Variants in PUS10 observed in about 807,000 individuals in gnomAD.
The protein encoded by PUS10 is tRNA pseudouridine synthase Pus10.
PUS10 carries 59 observed loss-of-function variants against 75.0 expected under a neutral mutation model. That is an observed-to-expected ratio of 0.79 (90% CI 0.64 to 0.98). PUS10 has a LOEUF of 0.98. Among genes scored for constraint, PUS10 ranks in the 50% least tolerant of loss-of-function variants. The pLI, the probability that PUS10 is intolerant of heterozygous loss-of-function variation, is 0.00. For synonymous variants in PUS10, 219 were observed against 211.6 expected (o/e 1.03, Z -0.30); for missense variants, 650 against 614.4 (o/e 1.06, Z -0.61).
intron 5 of PUS10, among the ~76,000 whole-genome samples, chr2:60,968,474 AT>A (rs1676472969): frequency 6.6e-6 from 1 of 152,150 alleles, no homozygotes; most frequent in Non-Finnish European, 1.5e-5. Context: ...CTTATGCATC[AT>A]CCCTTTTAAT....
At chr2:60,971,470 C>G (rs1676657326) in intron 5 of PUS10, 53 bp downstream of exon 5, 15 of 1,489,986 alleles carry the variant, frequency 1.0e-5, no homozygotes, top group Non-Finnish European at 1.2e-5. Flanking sequence ...GCTTTAAGAA[C>G]CAGGTAGCTT....
intron 1 of PUS10, 88 bp downstream of exon 1, chr2:61,017,911 GGCGGTTGTA>G (rs1218099691): frequency 6.7e-6 from 10 of 1,503,070 alleles, no homozygotes; most frequent in Non-Finnish European, 9.1e-6. Flanking sequence ...CTTGGCAGGA[GGCGGTTGTA>G]GCGGTTGTTA....
intron 4 of PUS10, among the ~76,000 whole-genome samples, chr2:60,985,684 A>T (rs565935796): frequency 5.1e-4 from 78 of 152,176 alleles, no homozygotes; most frequent in African/African-American, 1.8e-3. Flanking sequence ...TATTTTTAGT[A>T]GAGATGGGGT....
chr2:60,972,870 G>A (rs947480375), intron 4 of PUS10, among the ~76,000 whole-genome samples: 1 of 152,226 alleles, frequency 6.6e-6, no homozygotes, highest in East Asian at 1.9e-4. Context: ...AATTCTTTCA[G>A]ACGTCAGCCA....
At position 60,942,427 on chromosome 2, in the gene PUS10, C is replaced by T. The variant is rs1456094465; in HGVS notation, c.1558G>A (p.Asp520Asn). Reference protein sequence around the residue: ...DILELDVESVDVDWPPALDD With the variant: ...DILELDVESVNVDWPPALDD Reference sequence around the variant, plus strand: ...TCCAGAGCAGGTGGCCAGTCAACATCTACAGACTAGAAGGGAGAAAAGAAG... The same window carrying T: ...TCCAGAGCAGGTGGCCAGTCAACATTTACAGACTAGAAGGGAGAAAAGAAG... Residue 520 changes from aspartate (D) to asparagine (N), a missense_variant, in exon 18 of 18, where the codon GAT becomes AAT. By Grantham distance (23) the Asp-to-Asn change is conservative. Coordinates refer to ENST00000316752, the MANE Select transcript of PUS10 (RefSeq NM_144709.4). 3 of 1,612,360 alleles carry T rather than the reference C, an allele frequency of 1.9e-6. No individual in the cohort carries two copies. The African/African-American group carries it at 4.0e-5, about 22-fold the overall frequency.
intron 4 of PUS10, among the ~76,000 whole-genome samples, chr2:61,005,656 G>A (rs1226319933): frequency 4.6e-5 from 7 of 152,168 alleles, no homozygotes; most frequent in African/African-American, 1.7e-4. Flanking sequence ...GACTCTAAGT[G>A]TTTATAAGCC....
chr2:61,013,020 T>C (rs1168138260), intron 1 of PUS10, among the ~76,000 whole-genome samples: 2 of 149,928 alleles, frequency 1.3e-5, no homozygotes, highest in African/African-American at 4.9e-5. Flanking sequence ...GGGGCCGAAG[T>C]AGGAGGTTCA....
chr2:60,943,307 C>G (rs765254380), intron 17 of PUS10, among the ~76,000 whole-genome samples: 1 of 151,986 alleles, frequency 6.6e-6, no homozygotes, highest in East Asian at 1.9e-4. Flanking sequence ...ATTTCTGTTT[C>G]TTTAAAATCC....
At chr2:61,005,187 G>A (rs1679126745) in intron 4 of PUS10, among the ~76,000 whole-genome samples, 1 of 152,162 alleles carries the variant, frequency 6.6e-6, no homozygotes, top group South Asian at 2.1e-4. Flanking sequence ...CTTGAACCCG[G>A]GAGGCAGAGG....
rs543686208 is a variant in PUS10, at chr2:60,975,522, C to G, written c.469-3965G>C. Among the ~76,000 whole-genome samples the G allele has an allele frequency of 2.6e-5, 4 of 152,092 alleles. No homozygotes were observed. In the South Asian group the frequency reaches 8.3e-4, roughly 32 times the overall value. ...TAGGTTTTACTTAATTTCTGGGACT[C>G]AACTTTCTAATGTGTAAAATGAGAG... is the stretch of plus-strand genomic sequence containing the variant. On this transcript the variant is annotated intron_variant, in intron 4 of 17. Transcript: ENST00000316752.
At chr2:60,961,932 C>A (rs1338943940) in intron 9 of PUS10, among the ~76,000 whole-genome samples, 1 of 152,254 alleles carries the variant, frequency 6.6e-6, no homozygotes, top group Non-Finnish European at 1.5e-5. Context: ...TTACTGCTGA[C>A]TCTACCCCCC....
Position 60,942,183 on chromosome 2 carries a change from A to C in PUS10, c.*212T>G, listed in dbSNP as rs926430276. On this transcript the variant is annotated 3_prime_UTR_variant, in exon 18 of 18. Coordinates refer to ENST00000316752, the MANE Select transcript of PUS10 (RefSeq NM_144709.4). Reference sequence around the variant, plus strand: ...GGGGGTGAAAGAGGGAATGAGAAAAATCCTAAGACATCCTTGGAACAATTT... The same window carrying C: ...GGGGGTGAAAGAGGGAATGAGAAAACTCCTAAGACATCCTTGGAACAATTT... The C allele has an allele frequency of 1.5e-5, 7 of 481,256 alleles. No individual in the cohort carries two copies. The highest frequency in any genetic ancestry group is 2.3e-5 in the Non-Finnish European group (6 of 263,570). 29.8% of individuals were successfully genotyped at this position (481,256 alleles called of 1,614,324 possible).
chr2:60,967,650 A>G (rs1676422642), intron 5 of PUS10, 37 bp from the exon 6 acceptor site: 2 of 1,446,234 alleles, frequency 1.4e-6, no homozygotes, highest in South Asian at 1.2e-5. Flanking sequence ...GACATGAAAA[A>G]CTTTACTTTT....
In PUS10 at chr2:60,998,039, A is replaced by G. The variant is rs1302508115; in HGVS notation, c.468+8518T>C. ...AAAGCGGAGTTAATGAACAAAGATG[A>G]CAGCTCATGCCTGCACACACAATAT... On this transcript the variant is annotated intron_variant, in intron 4 of 17. Coordinates refer to ENST00000316752, the MANE Select transcript of PUS10 (RefSeq NM_144709.4). 3.3e-5 allele frequency among the ~76,000 whole-genome samples: 5 copies of G among 152,228 alleles called. No homozygotes were observed. The East Asian group carries it at 9.6e-4, about 29-fold the overall frequency.
intron 16 of PUS10, among the ~76,000 whole-genome samples, chr2:60,947,792 G>A (rs2104142061): frequency 7.7e-6 from 1 of 130,556 alleles, no homozygotes; most frequent in South Asian, 2.3e-4. Context: ...TGGCGCCACC[G>A]CACTCCAGCC....
At chr2:61,004,396 G>A (rs866394622) in intron 4 of PUS10, among the ~76,000 whole-genome samples, 4 of 152,052 alleles carry the variant, frequency 2.6e-5, no homozygotes, top group East Asian at 1.9e-4. Context: ...AGGCCAAGGC[G>A]GGCAGATCAT....
intron 4 of PUS10, among the ~76,000 whole-genome samples, chr2:60,995,348 C>T (rs1207346359): frequency 3.3e-5 from 5 of 152,200 alleles, no homozygotes; most frequent in Admixed American, 2.6e-4. Context: ...AATAACTACA[C>T]ATTATGGTGG....
intron 5 of PUS10, among the ~76,000 whole-genome samples, chr2:60,970,240 CTAATT>C: frequency 6.6e-6 from 1 of 152,288 alleles, no homozygotes; most frequent in African/African-American, 2.4e-5. Flanking sequence ...CCATTTGAGA[CTAATT>C]TAATAAGATC....
intron 4 of PUS10, among the ~76,000 whole-genome samples, chr2:60,992,411 G>A (rs191015486): frequency 1.3e-5 from 2 of 152,280 alleles, no homozygotes; most frequent in East Asian, 1.9e-4. Context: ...AATAGGGCAT[G>A]AGTGCACATG....
Sources: allele counts gnomAD v4.1 joint callset (sites outside exome capture counted in the v4.1 genomes callset), GRCh38; gene constraint gnomAD v4.1.1; transcripts MANE v1.5; gene names NCBI Gene and HGNC (gene_info 2026-07-23, HGNC 2026-07-21).